Variants in OSBPL9 observed in about 807,000 individuals in gnomAD.
OSBPL9 encodes the protein oxysterol-binding protein-related protein 9.
Under a neutral mutation model 106.6 loss-of-function variants are expected in OSBPL9, and 40 were observed. The ratio of observed to expected loss-of-function variants is 0.38; its 90% confidence interval spans 0.29 to 0.49. OSBPL9 has a LOEUF of 0.49. Among genes scored for constraint, OSBPL9 ranks in the 20% least tolerant of loss-of-function variants. OSBPL9 has a pLI of 0.97. For missense variants in OSBPL9, 609 were observed against 887.2 expected (o/e 0.69, Z 3.98); for synonymous variants, 269 against 295.4 (o/e 0.91, Z 0.92).
chr1:51,647,765 T>C (rs951239839), intron 1 of OSBPL9, among the ~76,000 whole-genome samples: 3 of 151,982 alleles, frequency 2.0e-5, no homozygotes, highest in Admixed American at 1.3e-4. Context: ...TTGAATCCCC[T>C]TTTTTTTCCT....
chr1:51,673,463 T>A (rs1350888819), intron 3 of OSBPL9, among the ~76,000 whole-genome samples: 1 of 152,210 alleles, frequency 6.6e-6, no homozygotes, highest in Non-Finnish European at 1.5e-5. Context: ...TCTATGTTGT[T>A]GGCAGTGATT....
intron 4 of OSBPL9, among the ~76,000 whole-genome samples, chr1:51,730,535 T>C (rs997426672): frequency 1.3e-5 from 2 of 152,134 alleles, no homozygotes; most frequent in Non-Finnish European, 2.9e-5. Context: ...AAGGAGGTGA[T>C]TTTACGCTTT....
chr1:51,711,706 G>T (rs1420512182), intron 3 of OSBPL9, among the ~76,000 whole-genome samples: 1 of 148,360 alleles, frequency 6.7e-6, no homozygotes, highest in Admixed American at 6.6e-5. Context: ...CGGGGCGGCC[G>T]GGCAGAGATG....
chr1:51,770,783 A>G (rs1430017811), intron 12 of OSBPL9, among the ~76,000 whole-genome samples: 1 of 152,242 alleles, frequency 6.6e-6, no homozygotes, highest in Non-Finnish European at 1.5e-5. Flanking sequence ...ATAACATAAT[A>G]TATTCTAATT....
At chr1:51,585,147 C>T (rs1489213846) in intron 1 of OSBPL9, among the ~76,000 whole-genome samples, 2 of 148,906 alleles carry the variant, frequency 1.3e-5, no homozygotes, top group Non-Finnish European at 3.0e-5. Flanking sequence ...GCACTCCAAG[C>T]CTGGTGACAG....
At chr1:51,787,512 CT>C in intron 23 of OSBPL9, 24 bp downstream of exon 23, 1 of 1,613,362 alleles carries the variant, frequency 6.2e-7, no homozygotes, top group Non-Finnish European at 8.5e-7. Context: ...CCCCACCCTC[CT>C]AAGTGCTGTT....
At chr1:51,786,262 T>C in intron 21 of OSBPL9, 1 of 451,212 alleles carries the variant, frequency 2.2e-6, no homozygotes, top group Non-Finnish European at 3.9e-6. Flanking sequence ...GTTGAAGATT[T>C]TGTATAATAA....
chr1:51,591,260 C>T (rs867443619), intron 1 of OSBPL9, among the ~76,000 whole-genome samples: 3 of 151,916 alleles, frequency 2.0e-5, no homozygotes, highest in East Asian at 1.9e-4. Flanking sequence ...TTAATAGAGA[C>T]GAGGTCTCAC....
upstream of OSBPL9, among the ~76,000 whole-genome samples, chr1:51,614,062 CA>C (rs1644007919): frequency 6.6e-6 from 1 of 151,650 alleles, no homozygotes; most frequent in African/African-American, 2.4e-5. Context: ...GGATTACAGG[CA>C]TGAGCCACTG....
chr1:51,573,897 A>G (rs1645168154), upstream of OSBPL9: 1 of 151,838 alleles, frequency 6.6e-6, no homozygotes, highest in Non-Finnish European at 1.5e-5. Flanking sequence ...GAATTTTCCC[A>G]ATTAGTATAT....
At chr1:51,763,618 A>G (rs1671984537) in intron 11 of OSBPL9, among the ~76,000 whole-genome samples, 1 of 152,198 alleles carries the variant, frequency 6.6e-6, no homozygotes, top group Non-Finnish European at 1.5e-5. Flanking sequence ...CGAATTAGTA[A>G]AAGTACTGAT....
At chr1:51,548,702 T>C in the OSBPL9 span, among the ~76,000 whole-genome samples, 460 of 152,224 alleles carry the variant, frequency 3.0e-3, 3 homozygotes, top group Middle Eastern at 0.031. Flanking sequence ...CCATAATTTC[T>C]GAAACAGTGT....
At chr1:51,583,036 C>G (rs1248128662) in intron 1 of OSBPL9, 1 of 152,004 alleles carries the variant, frequency 6.6e-6, no homozygotes, top group Non-Finnish European at 1.5e-5. Flanking sequence ...CTGCAGTGAG[C>G]TGAGATCGCA....
the OSBPL9 span, among the ~76,000 whole-genome samples, chr1:51,546,086 A>G: frequency 6.6e-6 from 1 of 151,980 alleles, no homozygotes; most frequent in South Asian, 2.1e-4. Flanking sequence ...GCGCAATCTC[A>G]GCTCACTGCA....
chr1:51,593,290 C>G (rs573181185), intron 1 of OSBPL9, among the ~76,000 whole-genome samples: 4 of 152,306 alleles, frequency 2.6e-5, no homozygotes, highest in African/African-American at 7.2e-5. Context: ...CCAAACTCAA[C>G]TTCAGTCAGC....
rs532041628 is a variant in OSBPL9, at chr1:51,635,336, G to A, written c.112-16655G>A. The stretch of plus-strand genomic sequence containing the variant: ...GAACTTTGGTCTCCTTTTCCTGTGA[G>A]GTAATCTTCCTAGATTAGATAAGGC... On this transcript the variant is annotated intron_variant, in intron 1 of 23. Transcript: ENST00000428468. Among the ~76,000 whole-genome samples the A allele has an allele frequency of 1.8e-4, 27 of 152,038 alleles. No homozygotes were observed. In the South Asian group the frequency reaches 5.4e-3, roughly 30 times the overall value.
intron 1 of OSBPL9, among the ~76,000 whole-genome samples, chr1:51,639,417 A>G (rs1645639649): frequency 1.3e-5 from 2 of 152,182 alleles, no homozygotes; most frequent in South Asian, 4.1e-4. Context: ...AAAGGAGAGG[A>G]ACTGTTGTGA....
intron 3 of OSBPL9, among the ~76,000 whole-genome samples, chr1:51,710,387 G>GA (rs34534132): frequency 6.6e-6 from 1 of 152,228 alleles, no homozygotes; most frequent in Admixed American, 6.5e-5. Context: ...CTGAGAGCCA[G>GA]AAAAAACCCC....
upstream of OSBPL9, among the ~76,000 whole-genome samples, chr1:51,576,966 G>T (rs1201941566): frequency 2.0e-5 from 3 of 152,158 alleles, no homozygotes; most frequent in Admixed American, 1.3e-4. Context: ...AATTTCCAAT[G>T]TTGGAGGTGG....
Sources: allele counts gnomAD v4.1 joint callset (sites outside exome capture counted in the v4.1 genomes callset), GRCh38; gene constraint gnomAD v4.1.1; transcripts MANE v1.5; gene names NCBI Gene and HGNC (gene_info 2026-07-23, HGNC 2026-07-21).